CDC14A: variants seen among roughly 807,000 people sequenced by gnomAD.
The protein encoded by CDC14A is cell division cycle 14A, also known as dual specificity protein phosphatase CDC14A.
CDC14A carries 53 observed loss-of-function variants against 74.4 expected under a neutral mutation model. The observed-to-expected ratio is 0.71, with a 90% confidence interval of 0.57 to 0.89. The LOEUF (loss-of-function observed/expected upper bound fraction) is 0.89. Ranked by LOEUF, CDC14A falls within the 40% of genes least tolerant of loss-of-function variation. CDC14A has a pLI of 0.00. For synonymous variants in CDC14A, 247 were observed against 258.4 expected, an observed-to-expected ratio of 0.96 and a Z score of 0.43; for missense variants, 646 against 713.7, an observed-to-expected ratio of 0.91 and a Z score of 1.08.
chr1:100,392,179 C>G (rs1367444547), intron 4 of CDC14A, among the ~76,000 whole-genome samples: 1 of 152,170 alleles, frequency 6.6e-6, no homozygotes, highest in Non-Finnish European at 1.5e-5. Flanking sequence ...TAAGAGCATA[C>G]ATGAAAAGCT....
chr1:100,435,899 C>T (rs571100838), intron 5 of CDC14A, among the ~76,000 whole-genome samples: 5 of 150,466 alleles, frequency 3.3e-5, no homozygotes, highest in South Asian at 2.1e-4. Flanking sequence ...GAGTCCAAAC[C>T]GGGTGGAAGC....
intron 7 of CDC14A, among the ~76,000 whole-genome samples, chr1:100,443,660 A>G (rs1478674999): frequency 6.6e-6 from 1 of 152,034 alleles, no homozygotes; most frequent in Non-Finnish European, 1.5e-5. Context: ...TGGTTGTATA[A>G]ATTTTATTTT....
upstream of CDC14A, chr1:100,351,603 G>C (rs1044837714): frequency 4.6e-6 from 3 of 653,564 alleles, no homozygotes; most frequent in South Asian, 5.6e-5. Flanking sequence ...TGGACCAGTG[G>C]ACTCTCCTCT....
chr1:100,483,469 G>T (rs535714), intron 10 of CDC14A, among the ~76,000 whole-genome samples: 10,262 of 152,038 alleles, frequency 0.067, 578 homozygotes, highest in African/African-American at 0.15. Flanking sequence ...TATTTCACTA[G>T]ATGTTGATAT....
chr1:100,418,344 A>G lies in CDC14A; in HGVS notation c.310-5878A>G, dbSNP rs143533708. ...TATTTGAGTTTAGGTCTAATGAAAT[A>G]TAGGTCTAATAGGTAGAAATGGTGA... is the stretch of plus-strand genomic sequence containing the variant. On this transcript the variant is annotated intron_variant, in intron 4 of 15. Coordinates refer to ENST00000336454, the MANE Select transcript of CDC14A (RefSeq NM_003672.4). 5.8e-3 allele frequency among the ~76,000 whole-genome samples: 891 copies of G among 152,334 alleles called. 16 individuals carry two copies. The highest frequency in any genetic ancestry group is 0.021 in the African/African-American group (863 of 41,558).
intron 4 of CDC14A, among the ~76,000 whole-genome samples, chr1:100,420,063 C>CTAT (rs1553180531): frequency 3.2e-5 from 2 of 61,566 alleles, no homozygotes; most frequent in Admixed American, 4.6e-4. Context: ...CACACACACA[C>CTAT]ATATATATAT....
At chr1:100,500,811 A>AGT (rs58424420) in intron 15 of CDC14A, among the ~76,000 whole-genome samples, 3,722 of 131,232 alleles carry the variant, frequency 0.028, 76 homozygotes, top group African/African-American at 0.064. Flanking sequence ...ATGAGAATGC[A>AGT]GTGTGTGTGT....
intron 5 of CDC14A, among the ~76,000 whole-genome samples, chr1:100,428,688 A>C (rs1663242074): frequency 6.6e-6 from 1 of 152,198 alleles, no homozygotes; most frequent in Admixed American, 6.5e-5. Context: ...AGTGGTTTTC[A>C]AATCTACATT....
upstream of CDC14A, among the ~76,000 whole-genome samples, chr1:100,352,174 T>G (rs1022403718): frequency 2.6e-5 from 4 of 152,178 alleles, no homozygotes; most frequent in African/African-American, 9.7e-5. Context: ...ACAGCGCCTT[T>G]GGCGATGTCC....
upstream of CDC14A, among the ~76,000 whole-genome samples, chr1:100,349,305 C>A (rs1650711642): frequency 6.6e-6 from 1 of 152,152 alleles, no homozygotes; most frequent in South Asian, 2.1e-4. Flanking sequence ...GATATGTAAA[C>A]TCTCTTAGTA....
At chr1:100,475,596 G>A (rs1440609764) in intron 10 of CDC14A, among the ~76,000 whole-genome samples, 1 of 152,182 alleles carries the variant, frequency 6.6e-6, no homozygotes, top group Non-Finnish European at 1.5e-5. Flanking sequence ...CTACCAGGTG[G>A]AGGCAGGAAT....
chr1:100,462,437 G>T (rs985442235), intron 8 of CDC14A: 12 of 543,572 alleles, frequency 2.2e-5, no homozygotes, highest in Non-Finnish European at 3.6e-5. Flanking sequence ...TGTATTTTCA[G>T]TACTTACAGA....
chr1:100,489,582 GTTT>G (rs5776511), intron 11 of CDC14A, among the ~76,000 whole-genome samples: 1 of 146,822 alleles, frequency 6.8e-6, no homozygotes, highest in African/African-American at 2.5e-5. Flanking sequence ...CATCACTCAT[GTTT>G]TTTTTTTTTA....
At chr1:100,412,116 T>C (rs902578797) in intron 4 of CDC14A, among the ~76,000 whole-genome samples, 3 of 152,188 alleles carry the variant, frequency 2.0e-5, no homozygotes, top group Non-Finnish European at 2.9e-5. Flanking sequence ...TTATTCTTCG[T>C]GACCTGTGGG....
chr1:100,463,692 C>T (rs1486095688), intron 9 of CDC14A, among the ~76,000 whole-genome samples: 1 of 152,210 alleles, frequency 6.6e-6, no homozygotes, highest in Non-Finnish European at 1.5e-5. Flanking sequence ...ATGTCAGCTA[C>T]TCAGAAAATA....
At chr1:100,406,050 G>T (rs1168614616) in intron 4 of CDC14A, among the ~76,000 whole-genome samples, 1 of 152,084 alleles carries the variant, frequency 6.6e-6, no homozygotes, top group South Asian at 2.1e-4. Flanking sequence ...GTTGTTTTTT[G>T]ACTTTTTAGT....
chr1:100,440,361 G>T (rs1192122528), intron 6 of CDC14A, among the ~76,000 whole-genome samples: 4 of 152,026 alleles, frequency 2.6e-5, no homozygotes, highest in Admixed American at 6.6e-5. Flanking sequence ...TCTGCTGCTT[G>T]GTCCCACCCC....
intron 10 of CDC14A, 62 bp downstream of exon 10, chr1:100,468,156 C>T: frequency 6.3e-7 from 1 of 1,585,470 alleles, no homozygotes; most frequent in South Asian, 1.1e-5. Flanking sequence ...ACCTCTTGTT[C>T]CCCTGGTTGT....
chr1:100,382,953 C>T (rs1326279131), intron 3 of CDC14A, among the ~76,000 whole-genome samples: 2 of 152,222 alleles, frequency 1.3e-5, no homozygotes, highest in Non-Finnish European at 2.9e-5. Flanking sequence ...GGGTTATATA[C>T]ACCAGAACTC....
Sources: gnomAD v4.1 joint callset for allele counts (sites outside exome capture counted in the v4.1 genomes callset) on GRCh38, gnomAD v4.1.1 for gene constraint, MANE v1.5 for transcripts, NCBI Gene and HGNC (gene_info 2026-07-23, HGNC 2026-07-21) for gene names.